CSMD1: variants seen among roughly 807,000 people sequenced by gnomAD.
CSMD1 encodes the protein CUB and sushi domain-containing protein 1.
In CSMD1, 213 loss-of-function variants were observed where a neutral mutation model predicts 417.5. The observed-to-expected ratio is 0.51, with a 90% confidence interval of 0.46 to 0.57. CSMD1 has a LOEUF of 0.57. Among genes scored for constraint, CSMD1 ranks in the 20% least tolerant of loss-of-function variants. The probability of loss-of-function intolerance (pLI) is 0.00; values close to 1 mark genes in which losing one functional copy is unlikely to be tolerated. For missense variants in CSMD1, 6,923 were observed against 4,529.7 expected, an observed-to-expected ratio of 1.53 and a Z score of -15.17; for synonymous variants, 2,862 against 1,736.8, an observed-to-expected ratio of 1.65 and a Z score of -16.11.
At chr8:2,958,340 T>A (rs889045993) in intron 62 of CSMD1, among the ~76,000 whole-genome samples, 1 of 152,182 alleles carries the variant, frequency 6.6e-6, no homozygotes, top group Non-Finnish European at 1.5e-5. Context: ...CACTTAATTC[T>A]CTGTACTTTG....
intron 48 of CSMD1, among the ~76,000 whole-genome samples, chr8:3,089,983 C>T (rs1814820183): frequency 6.6e-6 from 1 of 152,142 alleles, no homozygotes; most frequent in East Asian, 1.9e-4. Context: ...CTGAGCTGAC[C>T]ATGTTTCCAC....
intron 31 of CSMD1, 115 bp downstream of exon 31, chr8:3,205,389 T>C: frequency 1.7e-6 from 1 of 600,762 alleles, no homozygotes; most frequent in South Asian, 2.1e-5. Context: ...TGCAACTCAT[T>C]TGCTTTTATA....
At chr8:3,721,355 G>A (rs563308941) in intron 6 of CSMD1, among the ~76,000 whole-genome samples, 3 of 152,142 alleles carry the variant, frequency 2.0e-5, no homozygotes, top group African/African-American at 4.8e-5. Context: ...AGTGACGGCA[G>A]ATGAAAGTGA....
intron 3 of CSMD1, among the ~76,000 whole-genome samples, chr8:4,077,322 T>TATG (rs1799884585): frequency 3.5e-5 from 5 of 143,740 alleles, no homozygotes; most frequent in African/African-American, 1.3e-4. Flanking sequence ...TATATATATA[T>TATG]GGTAGACATA....
intron 3 of CSMD1, among the ~76,000 whole-genome samples, chr8:4,298,059 A>G (rs1797779880): frequency 6.6e-6 from 1 of 152,156 alleles, no homozygotes; most frequent in Admixed American, 6.6e-5. Context: ...CACTACCAGT[A>G]CATGCTAGCG....
chr8:4,565,623 T>G (rs1798559753), intron 2 of CSMD1, among the ~76,000 whole-genome samples: 1 of 151,650 alleles, frequency 6.6e-6, no homozygotes, highest in African/African-American at 2.4e-5. Context: ...TAGTCCCAGC[T>G]ACTCAGGAGG....
At chr8:4,379,897 C>T (rs1045221821) in intron 3 of CSMD1, among the ~76,000 whole-genome samples, 1 of 152,170 alleles carries the variant, frequency 6.6e-6, no homozygotes, top group African/African-American at 2.4e-5. Flanking sequence ...AGCCGTGTTC[C>T]ACACACTGGA....
At chr8:4,912,798 AG>A (rs111546193) in intron 1 of CSMD1, among the ~76,000 whole-genome samples, 3 of 151,420 alleles carry the variant, frequency 2.0e-5, no homozygotes, top group Admixed American at 6.6e-5. Context: ...TTTTTTTTGG[AG>A]GGGGGGCACA....
At chr8:3,466,550 C>A (rs1275035528) in intron 12 of CSMD1, among the ~76,000 whole-genome samples, 1 of 150,376 alleles carries the variant, frequency 6.6e-6, no homozygotes, top group Non-Finnish European at 1.5e-5. Context: ...TCTGGGATTA[C>A]AGGTACCCAC....
chr8:3,396,706 T>A (rs77206890), intron 16 of CSMD1, among the ~76,000 whole-genome samples: 3,562 of 152,204 alleles, frequency 0.023, 123 homozygotes, highest in South Asian at 0.14. Context: ...GATAGATAGA[T>A]AGACAAATAG....
intron 49 of CSMD1, among the ~76,000 whole-genome samples, chr8:3,073,180 T>C (rs866061614): frequency 1.7e-4 from 26 of 152,338 alleles, no homozygotes; most frequent in East Asian, 1.2e-3. Flanking sequence ...ATGCATTTGA[T>C]ATGAAAACAT....
At chr8:3,524,014 C>A (rs1797638527) in intron 10 of CSMD1, among the ~76,000 whole-genome samples, 1 of 140,032 alleles carries the variant, frequency 7.1e-6, no homozygotes, top group Non-Finnish European at 1.5e-5. Flanking sequence ...CACACATGTG[C>A]ACGTGCACAC....
chr8:3,631,924 A>C, intron 7 of CSMD1, among the ~76,000 whole-genome samples: 1 of 152,178 alleles, frequency 6.6e-6, no homozygotes, highest in East Asian at 1.9e-4. Context: ...AACCCCCCAG[A>C]TCACTGCCTC....
intron 3 of CSMD1, among the ~76,000 whole-genome samples, chr8:4,041,078 GC>G (rs1797866608): frequency 2.1e-5 from 3 of 141,414 alleles, no homozygotes; most frequent in African/African-American, 8.1e-5. Flanking sequence ...GTGCAGTGGC[GC>G]GATCTCGGCT....
intron 1 of CSMD1, among the ~76,000 whole-genome samples, chr8:4,817,485 G>T (rs563445873): frequency 2.0e-5 from 3 of 152,210 alleles, no homozygotes; most frequent in South Asian, 2.1e-4. Flanking sequence ...CAAAGGGCAC[G>T]TCCAATGATC....
Position 3,055,977 on chromosome 8 carries a change from C to T in CSMD1, c.7475-3330G>A, listed in dbSNP as rs560138861. 2.9e-4 allele frequency among the ~76,000 whole-genome samples: 44 copies of T among 152,238 alleles called. 1 individual carries two copies. The highest frequency in any genetic ancestry group is 8.9e-4 in the African/African-American group (37 of 41,532). ...ACAAAATGCGAGCCCTCTGTCCACA[C>T]GACATAGGCATTCAATCAATGACAA... On this transcript the variant is annotated intron_variant, in intron 49 of 69. Coordinates refer to ENST00000635120, the MANE Select transcript of CSMD1 (RefSeq NM_033225.6).
At chr8:4,011,489 T>A (rs1340516006) in intron 4 of CSMD1, among the ~76,000 whole-genome samples, 1 of 152,084 alleles carries the variant, frequency 6.6e-6, no homozygotes, top group East Asian at 1.9e-4. Context: ...CATCCTCTCT[T>A]GAACCCACTT....
intron 3 of CSMD1, among the ~76,000 whole-genome samples, chr8:4,047,776 T>G (rs1022088598): frequency 2.0e-5 from 3 of 151,910 alleles, no homozygotes; most frequent in South Asian, 2.1e-4. Flanking sequence ...TAGGAATAGG[T>G]AGAGAATGCA....
chr8:4,510,675 C>T (rs1251765964), intron 2 of CSMD1, among the ~76,000 whole-genome samples: 2 of 144,484 alleles, frequency 1.4e-5, no homozygotes, highest in African/African-American at 5.1e-5. Context: ...TCCTTTCCTT[C>T]CCTCCTCTCT....
Sources: gnomAD v4.1 joint callset for allele counts (sites outside exome capture counted in the v4.1 genomes callset) on GRCh38, gnomAD v4.1.1 for gene constraint, MANE v1.5 for transcripts, NCBI Gene and HGNC (gene_info 2026-07-23, HGNC 2026-07-21) for gene names.